ALMS1: variants seen among roughly 807,000 people sequenced by gnomAD.
The protein encoded by ALMS1 is centrosome-associated protein ALMS1.
ALMS1 carries 271 observed loss-of-function variants against 352.2 expected under a neutral mutation model. The ratio of observed to expected loss-of-function variants is 0.77; its 90% CI spans 0.70 to 0.85. The LOEUF is 0.85. ALMS1 is among the 40% of genes least tolerant of loss of function. The pLI is 0.00. For missense variants in ALMS1, 5,445 were observed against 4,870.7 expected, an observed-to-expected ratio of 1.12 and a Z score of -3.51; for synonymous variants, 1,865 against 1,761.2, an observed-to-expected ratio of 1.06 and a Z score of -1.48.
chr2:73,410,567 T>A (rs1162699462), intron 2 of ALMS1, among the ~76,000 whole-genome samples: 3 of 152,144 alleles, frequency 2.0e-5, no homozygotes, highest in African/African-American at 7.2e-5. Context: ...TTTCATTTGT[T>A]GGGATGTATT....
rs755760721 is a variant in ALMS1, at chr2:73,386,029, T to A, written c.161T>A (p.Leu54Ter). The stretch of plus-strand genomic sequence containing the variant: ...GTGGAGGAAGAGGCGGGGCGGGAGT[T>A]GGACTCCGACTCTCACTACGGGCCC... Reference protein sequence around the residue: ...EEVEEEAGRELDSDSHYGPQH... With the variant: ...EEVEEEAGRE Residue 54 changes from leucine to a stop codon, truncating the protein, a stop_gained, in exon 1 of 23, where the codon TTG (leucine) becomes TAG (stop). Coordinates refer to ENST00000613296, the MANE Select transcript of ALMS1 (RefSeq NM_001378454.1). LOFTEE classifies it high-confidence loss of function. 5 of 1,556,928 alleles carry A rather than the reference T, an allele frequency of 3.2e-6. No individual in the cohort carries two copies. In the South Asian group the frequency reaches 5.9e-5, roughly 18 times the overall value.
chr2:73,590,668 G>T (rs377640717), intron 16 of ALMS1, among the ~76,000 whole-genome samples: 32 of 111,218 alleles, frequency 2.9e-4, no homozygotes, highest in Admixed American at 5.3e-4. Flanking sequence ...TTTAAATTCT[G>T]TTTTATTACT....
intron 2 of ALMS1, among the ~76,000 whole-genome samples, chr2:73,415,276 G>T (rs758017159): frequency 6.6e-6 from 1 of 152,064 alleles, no homozygotes; most frequent in Non-Finnish European, 1.5e-5. Flanking sequence ...AGTTAAAAAA[G>T]GTTGAACAGA....
intron 10 of ALMS1, among the ~76,000 whole-genome samples, chr2:73,503,814 A>G (rs1279547056): frequency 2.6e-5 from 4 of 152,128 alleles, no homozygotes; most frequent in Non-Finnish European, 4.4e-5. Flanking sequence ...AAAACTCAAT[A>G]AGGTTGTGGC....
chr2:73,512,984 T>C (rs1270863678), intron 10 of ALMS1, among the ~76,000 whole-genome samples: 1 of 152,234 alleles, frequency 6.6e-6, no homozygotes, highest in Non-Finnish European at 1.5e-5. Context: ...CTGTATATAT[T>C]AAAAACCATA....
intron 15 of ALMS1, among the ~76,000 whole-genome samples, chr2:73,564,615 C>T (rs143411725): frequency 6.6e-6 from 1 of 152,166 alleles, no homozygotes; most frequent in East Asian, 1.9e-4. Flanking sequence ...AATACTGATC[C>T]ACTTTTTGTC....
chr2:73,448,478 G>C lies in ALMS1; in HGVS notation c.1951G>C (p.Ala651Pro), dbSNP rs1671852421. Reference protein sequence around the residue: ...LTEEPLEVSAAPGPVEQKTGI... With the variant: ...LTEEPLEVSAPPGPVEQKTGI... ...CGAAGAGCCTTTGGAAGTTTCAGCT[G>C]CTCCTGGCCCAGTGGAGCAGAAGAC... Residue 651 changes from alanine to proline, a missense_variant, in exon 8 of 23, where the codon GCT (alanine) becomes CCT (proline). Coordinates refer to ENST00000613296, the MANE Select transcript of ALMS1 (RefSeq NM_001378454.1). 1 of 1,613,782 alleles carries C rather than the reference G, an allele frequency of 6.2e-7. No individual in the cohort carries two copies. Among genetic ancestry groups the C allele is most frequent in the African/African-American group, 1.3e-5 (1 of 74,852 alleles).
In ALMS1 at chr2:73,573,020, A is replaced by G. The variant is rs765505349; in HGVS notation, c.11143A>G (p.Lys3715Glu). 4 of 1,614,076 alleles carry G rather than the reference A, an allele frequency of 2.5e-6. No homozygotes were observed. The East Asian group carries it at 6.7e-5, about 27-fold the overall frequency. Residue 3715 changes from lysine (K) to glutamate (E), a missense_variant, in exon 16 of 23, where the codon AAA becomes GAA. Lys to Glu is a moderately conservative substitution (Grantham distance 56, BLOSUM62 1). Coordinates refer to ENST00000613296, the MANE Select transcript of ALMS1 (RefSeq NM_001378454.1). ...RSNQIKIEQIKFDKYILSKQP... is the reference protein window; with the variant it reads ...RSNQIKIEQIEFDKYILSKQP... ...TAATCAAATTAAAATTGAACAGATT[A>G]AATTTGATAAATATATTCTGAGTAA...
At chr2:73,478,656 GTTTATTTATTTATTTA>G (rs70965737) in intron 9 of ALMS1, among the ~76,000 whole-genome samples, 2 of 150,012 alleles carry the variant, frequency 1.3e-5, no homozygotes, top group African/African-American at 4.9e-5. Context: ...TAATTTATTC[GTTTATTTATTTATTTA>G]TTTATTTATT....
intron 16 of ALMS1, among the ~76,000 whole-genome samples, chr2:73,590,689 T>TG (rs1307113609): frequency 1.9e-4 from 27 of 145,302 alleles, no homozygotes; most frequent in African/African-American, 6.6e-4. Flanking sequence ...TTTTTTTTTT[T>TG]TTTTTTTTTT....
chr2:73,573,009 T>C lies in ALMS1; in HGVS notation c.11132T>C (p.Ile3711Thr). 1 of 1,614,038 alleles carries C rather than the reference T, an allele frequency of 6.2e-7. No homozygotes were observed. Among genetic ancestry groups the C allele is most frequent in the South Asian group, 1.1e-5 (1 of 91,078 alleles). Reference protein sequence around the residue: ...HRAGRSNQIKIEQIKFDKYIL... With the variant: ...HRAGRSNQIKTEQIKFDKYIL... ...GCTGGGAGGTCTAATCAAATTAAAA[T>C]TGAACAGATTAAATTTGATAAATAT... The change falls in exon 16 of 23, where the codon ATT becomes ACT. Residue 3711 changes from isoleucine to threonine, a missense_variant. Coordinates refer to ENST00000613296, the MANE Select transcript of ALMS1 (RefSeq NM_001378454.1).
chr2:73,396,322 A>G lies in ALMS1; in HGVS notation c.324+10130A>G, dbSNP rs868667215. ...TAGAAATACACACACACACACACAC[A>G]CACACACACACACACACGCTTGTAT... On this transcript the variant is annotated intron_variant, in intron 1 of 22. Transcript: ENST00000613296. Among the ~76,000 whole-genome samples the G allele has an allele frequency of 9.6e-3, 1,465 of 152,124 alleles. 36 individuals are homozygous for G. The highest frequency in any genetic ancestry group is 0.033 in the African/African-American group (1,383 of 41,500).
At chr2:73,565,904 A>G (rs905992714) in intron 15 of ALMS1, among the ~76,000 whole-genome samples, 13 of 152,212 alleles carry the variant, frequency 8.5e-5, no homozygotes, top group Non-Finnish European at 1.3e-4. Flanking sequence ...AGAGAAGCCT[A>G]AGGAGACATG....
intron 1 of ALMS1, among the ~76,000 whole-genome samples, chr2:73,395,637 T>C (rs1670745536): frequency 6.6e-6 from 1 of 152,168 alleles, no homozygotes; most frequent in African/African-American, 2.4e-5. Context: ...TATATTAATA[T>C]TGTTTCTGAA....
At chr2:73,544,422 G>A (rs1010093014) in intron 12 of ALMS1, among the ~76,000 whole-genome samples, 2 of 152,054 alleles carry the variant, frequency 1.3e-5, no homozygotes, top group Admixed American at 6.6e-5. Flanking sequence ...GTTAAATGAC[G>A]AGTTAATGGG....
chr2:73,497,506 G>A (rs918422080), intron 10 of ALMS1, among the ~76,000 whole-genome samples: 3 of 151,648 alleles, frequency 2.0e-5, no homozygotes, highest in Admixed American at 1.3e-4. Context: ...CAATAAAGCC[G>A]GTCACCTAAA....
At chr2:73,405,420 T>G (rs1352303055) in intron 1 of ALMS1, among the ~76,000 whole-genome samples, 1 of 152,166 alleles carries the variant, frequency 6.6e-6, no homozygotes, top group African/African-American at 2.4e-5. Flanking sequence ...TCTATGGCAT[T>G]GGTTGTCATG....
In ALMS1 at chr2:73,529,863, C is replaced by T. The variant is rs543337262; in HGVS notation, c.9782-4961C>T. On this transcript the variant is annotated intron_variant, in intron 11 of 22. Transcript: ENST00000613296. The stretch of plus-strand genomic sequence containing the variant: ...AAGCAAGGCACGTCTTACATGGGGG[C>T]AGGAGAGAGTGAGATCTCAGGGATA... Among the ~76,000 whole-genome samples the T allele has an allele frequency of 4.6e-5, 7 of 152,216 alleles. No individual in the cohort carries two copies. In the East Asian group the frequency reaches 1.4e-3, roughly 29 times the overall value.
At chr2:73,506,049 A>G (rs1292037115) in intron 10 of ALMS1, among the ~76,000 whole-genome samples, 1 of 152,190 alleles carries the variant, frequency 6.6e-6, no homozygotes, top group Non-Finnish European at 1.5e-5. Flanking sequence ...TAAATAGGGA[A>G]TCCTTTCTCC....
Sources: gnomAD v4.1 joint callset for allele counts (sites outside exome capture counted in the v4.1 genomes callset) on GRCh38, gnomAD v4.1.1 for gene constraint, MANE v1.5 for transcripts, NCBI Gene and HGNC (gene_info 2026-07-23, HGNC 2026-07-21) for gene names.